ASPH: variants seen among roughly 807,000 people sequenced by gnomAD.
The protein encoded by ASPH is aspartyl/asparaginyl beta-hydroxylase.
A neutral mutation model predicts 118.4 loss-of-function variants in ASPH; 100 were observed. The observed-to-expected ratio is 0.84, with a 90% CI of 0.72 to 1.00. ASPH has a LOEUF of 1.00. Among genes scored for constraint, ASPH ranks in the 50% least tolerant of loss-of-function variants. ASPH has a pLI of 0.00. For missense variants in ASPH, 920 were observed against 919.5 expected (o/e 1.00, Z -0.01); for synonymous variants, 315 against 325.6 (o/e 0.97, Z 0.35).
At chr8:61,665,130 T>C (rs754214542) in intron 3 of ASPH, 2 of 1,467,794 alleles carry the variant, frequency 1.4e-6, no homozygotes, top group Non-Finnish European at 1.8e-6. Flanking sequence ...GCACCAATGA[T>C]ACATTCAATG....
Position 61,576,791 on chromosome 8 carries a change from G to C in ASPH, c.1130C>G (p.Ala377Gly). ...GAATACCTGCGCCTTCCCATATCTT[G>C]CTCGTGGACTCTGAGGGTATTTGCG... ...LVRKYPQSPR[A>G]RYGKAQCEDD... is the part of the protein sequence containing the mutation. Residue 377 changes from alanine to glycine, a missense_variant, in exon 16 of 25, where the codon GCA becomes GGA. Ala to Gly is a moderately conservative substitution (Grantham distance 60). Transcript: ENST00000379454. 6.2e-7 allele frequency: 1 copy of C among 1,609,232 alleles called. No homozygotes were observed. Among genetic ancestry groups the C allele is most frequent in the Non-Finnish European group, 8.5e-7 (1 of 1,177,180 alleles).
chr8:61,615,346 C>A (rs1427617664), intron 14 of ASPH, among the ~76,000 whole-genome samples: 1 of 151,996 alleles, frequency 6.6e-6, no homozygotes, highest in Non-Finnish European at 1.5e-5. Context: ...TATTACACAG[C>A]AACACCTCCT....
intron 3 of ASPH, among the ~76,000 whole-genome samples, chr8:61,671,844 G>A (rs564173066): frequency 6.6e-6 from 1 of 152,356 alleles, no homozygotes; most frequent in African/African-American, 2.4e-5. Context: ...TAAGCCAATG[G>A]ATAGATCTGT....
intron 3 of ASPH, chr8:61,660,811 T>C (rs1030340350): frequency 6.6e-6 from 1 of 152,120 alleles, no homozygotes; most frequent in African/African-American, 2.4e-5. Flanking sequence ...CATAGAAACA[T>C]AGTTACAATG....
Position 61,501,177 on chromosome 8 carries a change from A to ACTT in ASPH, c.*2179_*2181dup, listed in dbSNP as rs531008812. On this transcript the variant is annotated 3_prime_UTR_variant, in exon 25 of 25. Transcript: ENST00000379454. ...ATTCTACCAATGCAGTGATGGAAAC[A>ACTT]CTTTTCTTATGTACCAAGACATAGA... 8.5e-5 allele frequency: 13 copies of ACTT among 152,206 alleles called. No homozygotes were observed. The highest frequency in any genetic ancestry group is 1.2e-4 in the Non-Finnish European group (8 of 68,016). The allele number at this position is 152,206 out of a possible 1,614,324, so 9.4% of individuals were successfully genotyped here.
intron 24 of ASPH, among the ~76,000 whole-genome samples, chr8:61,513,102 G>A (rs1001634640): frequency 5.9e-5 from 9 of 152,308 alleles, no homozygotes; most frequent in African/African-American, 1.9e-4. Flanking sequence ...ATCTTAATCC[G>A]ATTATTAATA....
At chr8:61,628,669 G>C (rs1854117356) in intron 13 of ASPH, among the ~76,000 whole-genome samples, 1 of 152,014 alleles carries the variant, frequency 6.6e-6, no homozygotes, top group South Asian at 2.1e-4. Context: ...AAGGACATCT[G>C]GGAGGCTAAC....
intron 13 of ASPH, among the ~76,000 whole-genome samples, chr8:61,623,413 T>C (rs1193239858): frequency 1.3e-5 from 2 of 152,240 alleles, no homozygotes; most frequent in African/African-American, 4.8e-5. Context: ...CCCTATGAAG[T>C]TGTCTGAGCT....
intron 3 of ASPH, chr8:61,662,828 A>C: frequency 1.0e-6 from 1 of 982,438 alleles, no homozygotes; most frequent in Non-Finnish European, 1.2e-6. Context: ...AACATTTCAA[A>C]GTACTTTACT....
At chr8:61,626,889 T>C (rs1315274620) in intron 13 of ASPH, among the ~76,000 whole-genome samples, 1 of 152,062 alleles carries the variant, frequency 6.6e-6, no homozygotes, top group Admixed American at 6.6e-5. Context: ...TGTTTTACTA[T>C]CACAGAATTG....
intron 5 of ASPH, among the ~76,000 whole-genome samples, chr8:61,648,909 G>A (rs183386409): frequency 2.0e-5 from 3 of 152,326 alleles, no homozygotes; most frequent in Admixed American, 2.0e-4. Context: ...ATGTGATTGG[G>A]CGGGGTGGGA....
chr8:61,605,772 C>A (rs1318631137), intron 14 of ASPH, among the ~76,000 whole-genome samples: 2 of 152,210 alleles, frequency 1.3e-5, no homozygotes, highest in African/African-American at 4.8e-5. Flanking sequence ...CAAACTCAGA[C>A]TGACCAAGAA....
chr8:61,602,732 G>C (rs1844405309), intron 14 of ASPH, among the ~76,000 whole-genome samples: 1 of 151,216 alleles, frequency 6.6e-6, no homozygotes, highest in Non-Finnish European at 1.5e-5. Flanking sequence ...GGGATCACTG[G>C]ATATGGTCAT....
At chr8:61,563,161 C>A (rs149086279) in intron 17 of ASPH, among the ~76,000 whole-genome samples, 2 of 149,230 alleles carry the variant, frequency 1.3e-5, no homozygotes, top group East Asian at 4.0e-4. Flanking sequence ...TGTTAAATTC[C>A]TTCTCAAGAA....
At chr8:61,514,577 C>T (rs1009987655) in intron 24 of ASPH, among the ~76,000 whole-genome samples, 11 of 152,032 alleles carry the variant, frequency 7.2e-5, no homozygotes, top group African/African-American at 9.6e-5. Context: ...GGTGTGGTGG[C>T]GGGTGCCTGT....
intron 3 of ASPH, 45 bp downstream of exon 3, chr8:61,680,923 C>A: frequency 6.7e-7 from 1 of 1,489,668 alleles, no homozygotes; most frequent in South Asian, 1.3e-5. Context: ...TAATTGTTTC[C>A]AGCATTTTAT....
chr8:61,562,389 C>CTG (rs150312211), intron 18 of ASPH, among the ~76,000 whole-genome samples: 3,591 of 128,888 alleles, frequency 0.028, 169 homozygotes, highest in African/African-American at 0.062. Context: ...GAAAGTGTGT[C>CTG]TGTGTGTGTG....
intron 18 of ASPH, among the ~76,000 whole-genome samples, chr8:61,557,671 C>G (rs898959668): frequency 3.3e-5 from 5 of 152,198 alleles, no homozygotes; most frequent in African/African-American, 9.7e-5. Context: ...TTGCTCATTG[C>G]TCATCCCCAC....
At chr8:61,584,466 T>C (rs1024084787) in intron 14 of ASPH, among the ~76,000 whole-genome samples, 2 of 152,186 alleles carry the variant, frequency 1.3e-5, no homozygotes, top group African/African-American at 4.8e-5. Context: ...GGAAGTCAAA[T>C]AAAACAGAAT....
Sources: allele counts gnomAD v4.1 joint callset (sites outside exome capture counted in the v4.1 genomes callset), GRCh38; gene constraint gnomAD v4.1.1; transcripts MANE v1.5; gene names NCBI Gene and HGNC (gene_info 2026-07-23, HGNC 2026-07-21).